Variants in WWOX observed in about 807,000 individuals in gnomAD.
WWOX encodes the protein WW domain-containing oxidoreductase.
Under a neutral mutation model 46.2 loss-of-function variants are expected in WWOX, and 69 were observed. The observed-to-expected ratio is 1.49, with a 90% CI of 1.23 to 1.82. WWOX has a LOEUF of 1.82. Among genes scored for constraint, WWOX ranks in the 40% most tolerant of loss-of-function variants. The probability of loss-of-function intolerance (pLI) is 0.00; values close to 1 mark genes in which losing one functional copy is unlikely to be tolerated. For synonymous variants in WWOX, 359 were observed against 202.6 expected, an observed-to-expected ratio of 1.77 and a Z score of -6.56; for missense variants, 919 against 542.6, an observed-to-expected ratio of 1.69 and a Z score of -6.89.
At chr16:78,127,689 C>G (rs1321022323) in intron 4 of WWOX, among the ~76,000 whole-genome samples, 1 of 152,152 alleles carries the variant, frequency 6.6e-6, no homozygotes, top group African/African-American at 2.4e-5. Flanking sequence ...CACACTTGTT[C>G]ACCCAAGTTT....
chr16:79,025,804 C>CTTTTTTTTT (rs60681938), intron 8 of WWOX, among the ~76,000 whole-genome samples: 14,842 of 103,118 alleles, frequency 0.14, 2,603 homozygotes, highest in East Asian at 0.23. Flanking sequence ...TGCTTGCTTG[C>CTTTTTTTTT]TTTTTTTTTT....
At chr16:78,473,819 GAT>G (rs1297097814) in intron 8 of WWOX, among the ~76,000 whole-genome samples, 2 of 152,154 alleles carry the variant, frequency 1.3e-5, no homozygotes, top group Non-Finnish European at 2.9e-5. Flanking sequence ...TCACCTCTAA[GAT>G]GATCCAGCTG....
intron 8 of WWOX, among the ~76,000 whole-genome samples, chr16:78,929,724 A>G (rs1034621139): frequency 6.6e-6 from 1 of 152,180 alleles, no homozygotes; most frequent in Non-Finnish European, 1.5e-5. Context: ...TTAGGAAGGC[A>G]GCTTTGAAAA....
chr16:78,392,100 G>A (rs1167207207), intron 6 of WWOX, among the ~76,000 whole-genome samples: 3 of 151,636 alleles, frequency 2.0e-5, no homozygotes, highest in Admixed American at 1.3e-4. Flanking sequence ...CAAACCAATA[G>A]CGGAGCCGTG....
At position 78,422,842 on chromosome 16, in the gene WWOX, TATAC is replaced by T. The variant is rs1416842490; in HGVS notation, c.606-2026_606-2023del. 1.6e-3 allele frequency among the ~76,000 whole-genome samples: 121 copies of T among 76,270 alleles called. 1 individual carries two copies. The highest frequency in any genetic ancestry group is 4.3e-3 in the African/African-American group (74 of 17,328). 50.0% of individuals were successfully genotyped at this position (76,270 alleles called of 152,430 possible). On this transcript the variant is annotated intron_variant, in intron 6 of 8. Transcript: ENST00000566780. ...ATACACACACATATATATATATACA[TATAC>T]ACACACACACACACACACACACACA...
chr16:78,734,198 A>C (rs1211879603), intron 8 of WWOX, among the ~76,000 whole-genome samples: 3 of 152,160 alleles, frequency 2.0e-5, no homozygotes, highest in Admixed American at 6.5e-5. Flanking sequence ...CTGAAATTGG[A>C]ATGTTAGGTG....
intron 8 of WWOX, among the ~76,000 whole-genome samples, chr16:78,568,537 C>T (rs1319239248): frequency 1.3e-5 from 2 of 149,698 alleles, no homozygotes; most frequent in Non-Finnish European, 3.0e-5. Flanking sequence ...GTGCAGTGGC[C>T]CGATCCTGGG....
chr16:78,856,930 G>T (rs770241467), intron 8 of WWOX, among the ~76,000 whole-genome samples: 1 of 152,198 alleles, frequency 6.6e-6, no homozygotes, highest in Non-Finnish European at 1.5e-5. Flanking sequence ...AGGCTAGGTA[G>T]AGCATATTGC....
intron 8 of WWOX, among the ~76,000 whole-genome samples, chr16:79,114,798 A>G (rs2049481717): frequency 6.6e-6 from 1 of 152,202 alleles, no homozygotes; most frequent in Non-Finnish European, 1.5e-5. Context: ...GAGCAGGAGC[A>G]CAGCTTCCAG....
intron 8 of WWOX, among the ~76,000 whole-genome samples, chr16:78,739,331 A>G (rs531470089): frequency 4.6e-5 from 7 of 152,292 alleles, no homozygotes; most frequent in Middle Eastern, 3.4e-3. Context: ...GACGTTCCCA[A>G]CACTCGCAGC....
At chr16:78,858,552 A>C (rs2052624708) in intron 8 of WWOX, among the ~76,000 whole-genome samples, 1 of 152,158 alleles carries the variant, frequency 6.6e-6, no homozygotes, top group Non-Finnish European at 1.5e-5. Flanking sequence ...ATAAACAGTA[A>C]TTATAAATAG....
intron 8 of WWOX, among the ~76,000 whole-genome samples, chr16:78,509,449 A>AT (rs1567613469): frequency 6.6e-6 from 1 of 151,812 alleles, no homozygotes; most frequent in Non-Finnish European, 1.5e-5. Context: ...AAAAAAAAAA[A>AT]AATAATATAA....
intron 8 of WWOX, chr16:78,552,600 A>G (rs1017764114): frequency 3.3e-5 from 5 of 152,210 alleles, no homozygotes; most frequent in Non-Finnish European, 5.9e-5. Flanking sequence ...ATTCAGAACG[A>G]GAGCTCATAC....
chr16:78,383,525 C>T (rs1597138321), intron 5 of WWOX, among the ~76,000 whole-genome samples: 1 of 152,172 alleles, frequency 6.6e-6, no homozygotes, highest in Non-Finnish European at 1.5e-5. Flanking sequence ...TAACAATCAG[C>T]AGTTCACCTC....
chr16:79,177,695 C>T (rs1275930143), intron 8 of WWOX, among the ~76,000 whole-genome samples: 1 of 152,090 alleles, frequency 6.6e-6, no homozygotes, highest in Admixed American at 6.6e-5. Context: ...TACATTTGAG[C>T]CATATTCAGT....
chr16:78,410,953 C>T lies in WWOX; in HGVS notation c.606-13917C>T, dbSNP rs1190597258. ...AAAGCTATAATTCCTGACTATTGAC[C>T]AGAGGCGAACCTCAGTTCCCTGCCA... On this transcript the variant is annotated intron_variant, in intron 6 of 8. Transcript: ENST00000566780. 2.6e-5 allele frequency among the ~76,000 whole-genome samples: 4 copies of T among 152,202 alleles called. No homozygotes were observed. In the South Asian group the frequency reaches 6.2e-4, roughly 24 times the overall value.
chr16:78,886,985 A>C (rs2044471837), intron 8 of WWOX, among the ~76,000 whole-genome samples: 1 of 151,880 alleles, frequency 6.6e-6, no homozygotes, highest in South Asian at 2.1e-4. Flanking sequence ...GGGTTTAAGG[A>C]GGAGAAATTT....
chr16:78,367,131 C>T (rs1356768377), intron 5 of WWOX, among the ~76,000 whole-genome samples: 1 of 151,956 alleles, frequency 6.6e-6, no homozygotes, highest in African/African-American at 2.4e-5. Context: ...AGGTGCCTGC[C>T]ACCACGCCCG....
intron 8 of WWOX, among the ~76,000 whole-genome samples, chr16:79,168,375 C>G (rs567558804): frequency 1.3e-5 from 2 of 152,280 alleles, no homozygotes; most frequent in Admixed American, 1.3e-4. Context: ...TGGATGTGTT[C>G]TAAGGCACTA....
Sources: gnomAD v4.1 joint callset for allele counts (sites outside exome capture counted in the v4.1 genomes callset) on GRCh38, gnomAD v4.1.1 for gene constraint, MANE v1.5 for transcripts, NCBI Gene and HGNC (gene_info 2026-07-23, HGNC 2026-07-21) for gene names.